TMEM131: variants seen among roughly 807,000 people sequenced by gnomAD.
The protein encoded by TMEM131 is 2610524E03Rik.
In TMEM131, 66 loss-of-function variants were observed where a neutral mutation model predicts 211.6. That is an observed-to-expected ratio of 0.31 (90% CI 0.26 to 0.38). TMEM131 has a LOEUF of 0.38. TMEM131 is among the 10% of genes least tolerant of loss of function. TMEM131 has a pLI of 1.00. For synonymous variants in TMEM131, 844 were observed against 841.3 expected (o/e 1.00, Z -0.06); for missense variants, 2,036 against 2,299.3 (o/e 0.89, Z 2.34).
intron 1 of TMEM131, among the ~76,000 whole-genome samples, chr2:97,938,872 A>C (rs1214331870): frequency 6.6e-6 from 1 of 152,134 alleles, no homozygotes; most frequent in Non-Finnish European, 1.5e-5. Context: ...GGATTAAGAA[A>C]CTCACTCAAA....
chr2:97,979,270 A>G (rs1055797491), intron 1 of TMEM131, among the ~76,000 whole-genome samples: 10 of 152,192 alleles, frequency 6.6e-5, no homozygotes, highest in Non-Finnish European at 2.9e-5. Context: ...ATGACAGATG[A>G]GCATTGGCTT....
chr2:97,946,491 G>A (rs1678049503), intron 1 of TMEM131, among the ~76,000 whole-genome samples: 1 of 151,888 alleles, frequency 6.6e-6, no homozygotes, highest in South Asian at 2.1e-4. Flanking sequence ...CTCAGTTTAT[G>A]ATACGGACAA....
chr2:97,786,931 T>C (rs1680277660), intron 31 of TMEM131, among the ~76,000 whole-genome samples: 1 of 152,258 alleles, frequency 6.6e-6, no homozygotes, highest in Admixed American at 6.5e-5. Context: ...ATGCCCCCTT[T>C]TCCTTCAGAA....
chr2:97,809,670 G>A lies in TMEM131; in HGVS notation c.2055+18C>T. On this transcript the variant is annotated intron_variant, in intron 19 of 40. Coordinates refer to ENST00000186436, the MANE Select transcript of TMEM131 (RefSeq NM_015348.2). Reference sequence around the variant, plus strand: ...CAAAAAACGAGCAATAGAAAAATGTGTGTATTAATGGTCTTACTGGAAAGG... The same window carrying A: ...CAAAAAACGAGCAATAGAAAAATGTATGTATTAATGGTCTTACTGGAAAGG... 1 of 1,590,002 alleles carries A rather than the reference G, an allele frequency of 6.3e-7. No homozygotes were observed. Among genetic ancestry groups the A allele is most frequent in the Non-Finnish European group, 8.6e-7 (1 of 1,162,116 alleles).
At chr2:97,896,528 A>G (rs1048098365) in intron 3 of TMEM131, among the ~76,000 whole-genome samples, 1 of 152,134 alleles carries the variant, frequency 6.6e-6, no homozygotes, top group Non-Finnish European at 1.5e-5. Context: ...AACTTGCTTT[A>G]TGAATCTGGG....
intron 4 of TMEM131, among the ~76,000 whole-genome samples, chr2:97,861,632 G>A (rs1674072734): frequency 6.6e-6 from 1 of 151,632 alleles, no homozygotes. Context: ...GGGATCTTCT[G>A]CCTGTGGAAA....
rs1678497400 is a variant in TMEM131 at position 97,756,625 on chromosome 2, CAAAGT to C, written c.*469_*473del. The C allele has an allele frequency of 6.6e-6, 1 of 152,462 alleles. No individual in the cohort carries two copies. The highest frequency in any genetic ancestry group is 1.5e-5 in the Non-Finnish European group (1 of 68,242). The allele number at this position is 152,462 out of a possible 1,614,324, so 9.4% of individuals were successfully genotyped here. On this transcript the variant is annotated 3_prime_UTR_variant, in exon 41 of 41. Transcript: ENST00000186436. ...TTAAAAAAATACTCTATTTTCAGCA[CAAAGT>C]CCTCATACAGTTTTAAAATTAGATC...
chr2:97,901,352 T>C (rs1176469541), intron 3 of TMEM131, among the ~76,000 whole-genome samples: 1 of 152,164 alleles, frequency 6.6e-6, no homozygotes, highest in African/African-American at 2.4e-5. Flanking sequence ...TTTCGGGTCT[T>C]AGATATAAGT....
chr2:97,761,390 C>G (rs1678840346), intron 36 of TMEM131: 2 of 161,842 alleles, frequency 1.2e-5, no homozygotes, highest in South Asian at 1.7e-4. Flanking sequence ...AGGACCTGAC[C>G]CTAGGCTGGC....
At chr2:97,887,034 T>C (rs571571268) in intron 4 of TMEM131, among the ~76,000 whole-genome samples, 3 of 152,176 alleles carry the variant, frequency 2.0e-5, no homozygotes, top group African/African-American at 4.8e-5. Flanking sequence ...GCTTCTCAGA[T>C]GGCTTGGGTG....
At chr2:97,902,520 G>A (rs1675897758) in intron 3 of TMEM131, among the ~76,000 whole-genome samples, 1 of 152,080 alleles carries the variant, frequency 6.6e-6, no homozygotes, top group African/African-American at 2.4e-5. Flanking sequence ...TACAAGAATA[G>A]GAATATGTTT....
intron 2 of TMEM131, among the ~76,000 whole-genome samples, chr2:97,924,259 T>C (rs530592441): frequency 8.7e-4 from 133 of 152,182 alleles, no homozygotes; most frequent in Non-Finnish European, 1.6e-3. Flanking sequence ...GGCATGTGCC[T>C]GTAGTCCCAG....
rs1296294267 is a variant in TMEM131 at position 97,757,217 on chromosome 2, G to C, written c.5534C>G (p.Thr1845Ser). The C allele has an allele frequency of 6.2e-7, 1 of 1,613,908 alleles. No individual in the cohort carries two copies. Among genetic ancestry groups the C allele is most frequent in the Non-Finnish European group, 8.5e-7 (1 of 1,179,908 alleles). ...ENSPAPHAPS[T>S]SSPADDLGQT... is the part of the protein sequence containing the mutation. Reference sequence around the variant, plus strand: ...TCCCAAGTCGTCAGCTGGACTGGAGGTGGAGGGAGCGTGAGGAGCAGGGGA... The same window carrying C: ...TCCCAAGTCGTCAGCTGGACTGGAGCTGGAGGGAGCGTGAGGAGCAGGGGA... The change falls in exon 41 of 41, where the codon ACC (threonine) becomes AGC (serine). Residue 1845 changes from threonine (T) to serine (S), a missense_variant. By Grantham distance (58) the Thr-to-Ser change is moderately conservative. Around this residue, in one of 3 missense-constraint regions of TMEM131, gnomAD observed 1,623 missense variants for 1,805.9 expected, o/e 0.90. Transcript: ENST00000186436.
intron 10 of TMEM131, among the ~76,000 whole-genome samples, chr2:97,834,096 T>G (rs1682831607): frequency 6.6e-6 from 1 of 152,246 alleles, no homozygotes; most frequent in Non-Finnish European, 1.5e-5. Flanking sequence ...ACATATGGTC[T>G]TCAATCTTAA....
At chr2:97,815,383 A>T in intron 12 of TMEM131, 76 bp from the exon 13 acceptor site, 1 of 920,004 alleles carries the variant, frequency 1.1e-6, no homozygotes, top group Non-Finnish European at 1.5e-6. Context: ...GTAAATTGAC[A>T]AAATCTTAAA....
At chr2:97,857,363 T>C (rs1673890409) in intron 5 of TMEM131, among the ~76,000 whole-genome samples, 1 of 152,216 alleles carries the variant, frequency 6.6e-6, no homozygotes, top group South Asian at 2.1e-4. Context: ...CTCATTTATA[T>C]TGTTTACCTA....
chr2:97,758,975 G>A lies in TMEM131; in HGVS notation c.5285C>T (p.Pro1762Leu), dbSNP rs376744291. Residue 1762 changes from proline to leucine, a missense_variant, in exon 40 of 41, where the codon CCT becomes CTT. Around this residue, in one of 3 missense-constraint regions of TMEM131, gnomAD observed 1,623 missense variants for 1,805.9 expected, o/e 0.90. Transcript: ENST00000186436. ...QRSWNEFNSG[P>L]SYLWESPATD... ...CGCTGGCGACTCCCAAAGGTATGAA[G>A]GGCCACTATTAAACTCGTTCCAGCT... 1.2e-6 allele frequency: 2 copies of A among 1,614,058 alleles called. No individual in the cohort carries two copies.
chr2:97,860,885 G>A (rs958835876), intron 4 of TMEM131, among the ~76,000 whole-genome samples: 1 of 152,208 alleles, frequency 6.6e-6, no homozygotes, highest in African/African-American at 2.4e-5. Flanking sequence ...AATGAAGAGG[G>A]TAGGGAAGAA....
intron 31 of TMEM131, among the ~76,000 whole-genome samples, chr2:97,788,278 G>A (rs1369074085): frequency 2.0e-5 from 3 of 152,126 alleles, no homozygotes; most frequent in Admixed American, 6.5e-5. Flanking sequence ...AGGGGCCAGC[G>A]TACAGATCCA....
Sources: allele counts gnomAD v4.1 joint callset (sites outside exome capture counted in the v4.1 genomes callset), GRCh38; gene constraint gnomAD v4.1.1; regional missense constraint gnomAD v4.1.1; transcripts MANE v1.5; gene names NCBI Gene and HGNC (gene_info 2026-07-23, HGNC 2026-07-21).